LRRC69: variants seen among roughly 807,000 people sequenced by gnomAD.
The protein encoded by LRRC69 is leucine-rich repeat-containing protein 69.
In LRRC69, 42 loss-of-function variants were observed where a neutral mutation model predicts 37.8. The observed-to-expected ratio is 1.11, with a 90% confidence interval of 0.87 to 1.44. The LOEUF (loss-of-function observed/expected upper bound fraction) is 1.44, where lower values mean the gene tolerates loss of function less well. Ranked by LOEUF, LRRC69 falls within the 40% of genes most tolerant of loss-of-function variation. LRRC69 has a pLI of 0.00. For missense variants in LRRC69, 357 were observed against 401.9 expected, an observed-to-expected ratio of 0.89 and a Z score of 0.96; for synonymous variants, 141 against 143.1, an observed-to-expected ratio of 0.99 and a Z score of 0.11.
At chr8:91,192,956 C>G (rs1809527144) in intron 6 of LRRC69, among the ~76,000 whole-genome samples, 1 of 152,188 alleles carries the variant, frequency 6.6e-6, no homozygotes, top group African/African-American at 2.4e-5. Context: ...CCTAGGTTTT[C>G]TTCTAGGGTT....
chr8:91,131,281 C>T (rs547451241), intron 3 of LRRC69, among the ~76,000 whole-genome samples: 33 of 145,382 alleles, frequency 2.3e-4, no homozygotes, highest in Middle Eastern at 3.6e-3. Context: ...ACTATGTTTT[C>T]CAGGCTGGTC....
chr8:91,117,302 T>A (rs1047005689), intron 1 of LRRC69, among the ~76,000 whole-genome samples: 1 of 151,898 alleles, frequency 6.6e-6, no homozygotes, highest in Non-Finnish European at 1.5e-5. Context: ...CAGTAATGAG[T>A]ACTAGGTTCA....
intron 7 of LRRC69, among the ~76,000 whole-genome samples, chr8:91,201,705 T>C (rs1179071791): frequency 6.6e-6 from 1 of 152,120 alleles, no homozygotes; most frequent in African/African-American, 2.4e-5. Flanking sequence ...TGGGCTAGCA[T>C]AGTATAATAT....
At chr8:91,136,720 T>C (rs1338406004) in intron 5 of LRRC69, among the ~76,000 whole-genome samples, 3 of 151,796 alleles carry the variant, frequency 2.0e-5, no homozygotes, top group Non-Finnish European at 4.4e-5. Context: ...ATAAGATCTT[T>C]CCCCCCTTCA....
At chr8:91,111,275 C>G (rs985934022) in intron 1 of LRRC69, among the ~76,000 whole-genome samples, 1 of 152,092 alleles carries the variant, frequency 6.6e-6, no homozygotes, top group Non-Finnish European at 1.5e-5. Flanking sequence ...TGGCTCATGC[C>G]TGTAATCCCA....
At chr8:91,210,181 G>A (rs1809882891) in intron 7 of LRRC69, among the ~76,000 whole-genome samples, 1 of 152,092 alleles carries the variant, frequency 6.6e-6, no homozygotes, top group Non-Finnish European at 1.5e-5. Flanking sequence ...GGTTTTCATT[G>A]TCTCTATTCA....
chr8:91,203,440 A>AACC (rs1288006443), intron 7 of LRRC69, among the ~76,000 whole-genome samples: 1 of 150,920 alleles, frequency 6.6e-6, no homozygotes, highest in African/African-American at 2.4e-5. Flanking sequence ...CACCCAGCCT[A>AACC]AAGTGCAGTG....
chr8:91,194,274 T>A (rs1361356856), intron 6 of LRRC69, among the ~76,000 whole-genome samples: 1 of 148,996 alleles, frequency 6.7e-6, no homozygotes, highest in African/African-American at 2.5e-5. Flanking sequence ...GATTTTTGCA[T>A]CAATGTTCAT....
intron 6 of LRRC69, among the ~76,000 whole-genome samples, chr8:91,190,537 A>G (rs1419314117): frequency 6.6e-6 from 1 of 152,156 alleles, no homozygotes; most frequent in Non-Finnish European, 1.5e-5. Flanking sequence ...TTTGTAATTA[A>G]AGATGAGTTC....
chr8:91,148,719 T>A (rs1349401045), intron 5 of LRRC69, among the ~76,000 whole-genome samples: 1 of 151,992 alleles, frequency 6.6e-6, no homozygotes, highest in African/African-American at 2.4e-5. Flanking sequence ...AGCGTTCCTA[T>A]TTCTCCACAT....
chr8:91,144,207 G>A (rs1808578089), intron 5 of LRRC69, among the ~76,000 whole-genome samples: 1 of 151,962 alleles, frequency 6.6e-6, no homozygotes, highest in South Asian at 2.1e-4. Flanking sequence ...GGCTTTCAAA[G>A]CCATGAGATC....
chr8:91,148,712 G>A (rs773649100), intron 5 of LRRC69, among the ~76,000 whole-genome samples: 49 of 151,996 alleles, frequency 3.2e-4, no homozygotes, highest in East Asian at 5.8e-4. Context: ...GTGTAAAAGC[G>A]TTCCTATTTC....
intron 6 of LRRC69, among the ~76,000 whole-genome samples, chr8:91,199,689 CTG>C (rs1809680938): frequency 6.6e-6 from 1 of 152,104 alleles, no homozygotes; most frequent in Non-Finnish European, 1.5e-5. Context: ...TCCCCAAACA[CTG>C]TTAAAATTTC....
intron 5 of LRRC69, chr8:91,157,507 A>G: frequency 1.3e-6 from 2 of 1,558,404 alleles, no homozygotes; most frequent in Non-Finnish European, 1.8e-6. Context: ...AGATGTAGAC[A>G]AGGAGTTCTA....
chr8:91,129,497 A>G (rs894526916), intron 3 of LRRC69, among the ~76,000 whole-genome samples: 1 of 151,980 alleles, frequency 6.6e-6, no homozygotes, highest in Non-Finnish European at 1.5e-5. Context: ...TTGCCTTGAA[A>G]GAACAAAAAA....
At chr8:91,180,477 GT>G (rs10717382) in intron 5 of LRRC69, among the ~76,000 whole-genome samples, 102,822 of 152,030 alleles carry the variant, frequency 0.68, 35,232 homozygotes, top group African/African-American at 0.74. Context: ...CTCTGAAGTT[GT>G]GCACATCACT....
chr8:91,159,927 G>A (rs1478145343), intron 5 of LRRC69, among the ~76,000 whole-genome samples: 1 of 150,944 alleles, frequency 6.6e-6, no homozygotes, highest in African/African-American at 2.4e-5. Context: ...GTGAACTGAT[G>A]TTGTTCCTTG....
intron 1 of LRRC69, among the ~76,000 whole-genome samples, chr8:91,114,097 CA>C (rs1010804000): frequency 1.3e-4 from 20 of 150,176 alleles, no homozygotes; most frequent in Admixed American, 9.9e-4. Context: ...AAACACAAAG[CA>C]AAACAAAAGT....
At chr8:91,102,946 G>A in intron 1 of LRRC69, 102 bp downstream of exon 1, 1 of 1,118,540 alleles carries the variant, frequency 8.9e-7, no homozygotes, top group Middle Eastern at 2.1e-4. Flanking sequence ...TCGATCTATG[G>A]AGACTTAGGT....
Sources: allele counts gnomAD v4.1 joint callset (sites outside exome capture counted in the v4.1 genomes callset), GRCh38; gene constraint gnomAD v4.1.1; transcripts MANE v1.5; gene names NCBI Gene and HGNC (gene_info 2026-07-23, HGNC 2026-07-21).